The following CFDP1 variants were observed in gnomAD, a reference collection of about 807,000 sequenced individuals.
The protein encoded by CFDP1 is heterochromatin-stabilizing protein CFDP1.
CFDP1 carries 31 observed loss-of-function variants against 40.1 expected under a neutral mutation model. The observed-to-expected ratio is 0.77, with a 90% CI of 0.58 to 1.04. The LOEUF is 1.04. CFDP1 is among the 50% of genes least tolerant of loss of function. The pLI is 0.00. For synonymous variants in CFDP1, 167 were observed against 120.0 expected (o/e 1.39, Z -2.56); for missense variants, 423 against 343.4 (o/e 1.23, Z -1.83).
At chr16:75,370,511 C>T (rs1362012201) in intron 5 of CFDP1, among the ~76,000 whole-genome samples, 2 of 152,140 alleles carry the variant, frequency 1.3e-5, no homozygotes, top group Non-Finnish European at 2.9e-5. Flanking sequence ...ACATATGTAA[C>T]AAACCTGCAC....
intron 5 of CFDP1, chr16:75,379,741 G>T (rs2078837724): frequency 6.6e-6 from 1 of 152,064 alleles, no homozygotes; most frequent in Non-Finnish European, 1.5e-5. Context: ...TACCATAGGG[G>T]GAAACTGGGT....
intron 5 of CFDP1, among the ~76,000 whole-genome samples, chr16:75,379,481 A>T (rs569890813): frequency 6.1e-4 from 93 of 152,334 alleles, no homozygotes; most frequent in African/African-American, 2.0e-3. Context: ...TAATTCCTCA[A>T]AAAAGACAAA....
At chr16:75,344,887 G>A (rs1420619722) in intron 5 of CFDP1, among the ~76,000 whole-genome samples, 7 of 152,096 alleles carry the variant, frequency 4.6e-5, no homozygotes, top group Non-Finnish European at 8.8e-5. Context: ...AGCTGAGATC[G>A]TGCCACTGCA....
intron 1 of CFDP1, among the ~76,000 whole-genome samples, chr16:75,432,404 T>C (rs1597416762): frequency 7.6e-6 from 1 of 131,362 alleles, no homozygotes; most frequent in East Asian, 2.3e-4. Flanking sequence ...TTTAAAAAAT[T>C]AGCGGGCGTG....
At chr16:75,322,567 T>C (rs934573698) in intron 5 of CFDP1, among the ~76,000 whole-genome samples, 3 of 152,212 alleles carry the variant, frequency 2.0e-5, no homozygotes, top group Admixed American at 6.5e-5. Context: ...TAAGCATCTA[T>C]GTCTAAACAC....
At chr16:75,376,056 T>C (rs1449898366) in intron 5 of CFDP1, among the ~76,000 whole-genome samples, 1 of 151,330 alleles carries the variant, frequency 6.6e-6, no homozygotes, top group African/African-American at 2.4e-5. Flanking sequence ...ACAAAAAAAT[T>C]AAAAATTAGC....
Position 75,293,799 on chromosome 16 carries a change from T to G in CFDP1, c.*153A>C, listed in dbSNP as rs190866620. ...TAAAAGTAAAGTGAATGAAACCATT[T>G]GTGATTAAGATACATAGACAGAACT... is the stretch of plus-strand genomic sequence containing the variant. On this transcript the variant is annotated 3_prime_UTR_variant, in exon 7 of 7. Transcript: ENST00000283882. The G allele has an allele frequency of 1.6e-6, 1 of 607,028 alleles. No individual in the cohort carries two copies. The highest frequency in any genetic ancestry group is 2.8e-5 in the East Asian group (1 of 35,400). 37.6% of individuals were successfully genotyped at this position (607,028 alleles called of 1,614,324 possible). A position where few individuals can be genotyped will look rare whatever the true frequency, so the allele number is the denominator to read the frequency against.
chr16:75,394,467 A>G (rs2078979322), intron 5 of CFDP1, among the ~76,000 whole-genome samples: 1 of 152,178 alleles, frequency 6.6e-6, no homozygotes, highest in African/African-American at 2.4e-5. Flanking sequence ...TGTTCCTCTA[A>G]GATCACAGAG....
chr16:75,309,829 A>AAAAAC (rs2078284206), intron 5 of CFDP1, among the ~76,000 whole-genome samples: 1 of 150,160 alleles, frequency 6.7e-6, no homozygotes, highest in Non-Finnish European at 1.5e-5. Flanking sequence ...CAAAAAAAAA[A>AAAAAC]AAAAAAAAAA....
At chr16:75,353,137 T>C (rs542327295) in intron 5 of CFDP1, among the ~76,000 whole-genome samples, 1 of 152,142 alleles carries the variant, frequency 6.6e-6, no homozygotes, top group African/African-American at 2.4e-5. Flanking sequence ...AATCTGATGA[T>C]TAAAAAGGAC....
intron 1 of CFDP1, among the ~76,000 whole-genome samples, chr16:75,427,649 T>TCAA (rs2079356451): frequency 6.6e-6 from 1 of 152,148 alleles, no homozygotes; most frequent in Non-Finnish European, 1.5e-5. Context: ...TCAAACTTGT[T>TCAA]ACCAACAGCA....
intron 5 of CFDP1, among the ~76,000 whole-genome samples, chr16:75,369,537 A>G (rs1016179767): frequency 1.3e-5 from 2 of 152,222 alleles, no homozygotes; most frequent in African/African-American, 2.4e-5. Context: ...TTATTCTCCA[A>G]TAATCTAAAC....
chr16:75,412,663 C>T lies in CFDP1; in HGVS notation c.274G>A (p.Asp92Asn), dbSNP rs781597358. ...SEGSSSEEEDDAAEQEKGIGS... is the reference protein window; with the variant it reads ...SEGSSSEEEDNAAEQEKGIGS... The stretch of plus-strand genomic sequence containing the variant: ...ATGCCTTTTTCCTGCTCTGCAGCGT[C>T]ATCTTCCTCCTCACTACTGCTTCCC... Residue 92 changes from aspartate to asparagine, a missense_variant, in exon 3 of 7, where the codon GAC (aspartate) becomes AAC (asparagine). Coordinates refer to ENST00000283882, the MANE Select transcript of CFDP1 (RefSeq NM_006324.3). The T allele has an allele frequency of 9.3e-6, 15 of 1,614,042 alleles. 1 individual carries two copies. In the Middle Eastern group the frequency reaches 6.6e-4, roughly 71 times the overall value.
At chr16:75,431,798 C>T (rs1324588312) in intron 1 of CFDP1, among the ~76,000 whole-genome samples, 1 of 152,050 alleles carries the variant, frequency 6.6e-6, no homozygotes, top group Admixed American at 6.6e-5. Flanking sequence ...ACCTACTATA[C>T]ATGGGTTAAA....
intron 5 of CFDP1, among the ~76,000 whole-genome samples, chr16:75,387,793 T>C (rs1178759443): frequency 6.6e-6 from 1 of 152,210 alleles, no homozygotes; most frequent in African/African-American, 2.4e-5. Flanking sequence ...TGCTGACAGG[T>C]ATCAATGTAC....
intron 5 of CFDP1, among the ~76,000 whole-genome samples, chr16:75,362,587 A>G (rs1315190194): frequency 6.6e-6 from 1 of 152,214 alleles, no homozygotes; most frequent in African/African-American, 2.4e-5. Context: ...AATGCAGCCA[A>G]TCTCGACCTA....
intron 5 of CFDP1, chr16:75,305,419 C>G (rs2078250362): frequency 2.1e-6 from 1 of 485,684 alleles, no homozygotes; most frequent in Non-Finnish European, 3.7e-6. Context: ...ACAGGAAATC[C>G]TGCCTTCTTC....
chr16:75,387,377 G>A lies in CFDP1; in HGVS notation c.650+7713C>T, dbSNP rs552972695. ...AGGATGGTCTCGATCTCCTGACCTCGTGATCCACCCGCCTCGGCCTCCCAA... is the reference window on the plus strand; with the variant it reads ...AGGATGGTCTCGATCTCCTGACCTCATGATCCACCCGCCTCGGCCTCCCAA... On this transcript the variant is annotated intron_variant, in intron 5 of 6. Transcript: ENST00000283882. Among the ~76,000 whole-genome samples, 477 of 152,186 alleles carry A rather than the reference G, an allele frequency of 3.1e-3. 2 individuals are homozygous for A. Among genetic ancestry groups the A allele is most frequent in the African/African-American group, 0.011 (463 of 41,552 alleles).
chr16:75,413,962 T>G (rs2079183584), intron 2 of CFDP1, among the ~76,000 whole-genome samples: 1 of 152,150 alleles, frequency 6.6e-6, no homozygotes, highest in Non-Finnish European at 1.5e-5. Flanking sequence ...TTATATACAT[T>G]TATATATTTA....
Sources: allele counts gnomAD v4.1 joint callset (sites outside exome capture counted in the v4.1 genomes callset), GRCh38; gene constraint gnomAD v4.1.1; transcripts MANE v1.5; gene names NCBI Gene and HGNC (gene_info 2026-07-23, HGNC 2026-07-21).